The following WDFY2 variants were observed in gnomAD, a reference collection of about 807,000 sequenced individuals.
WDFY2 encodes the protein WD repeat and FYVE domain-containing protein 2.
Under a neutral mutation model 56.4 loss-of-function variants are expected in WDFY2, and 36 were observed. The observed-to-expected ratio is 0.64, with a 90% confidence interval of 0.49 to 0.84. The LOEUF (loss-of-function observed/expected upper bound fraction) is 0.84. Ranked by LOEUF, WDFY2 falls within the 40% of genes least tolerant of loss-of-function variation. WDFY2 has a pLI of 0.00. For synonymous variants in WDFY2, 176 were observed against 183.7 expected, an observed-to-expected ratio of 0.96 and a Z score of 0.34; for missense variants, 444 against 512.2, an observed-to-expected ratio of 0.87 and a Z score of 1.29.
In WDFY2 at chr13:51,704,663, TTC is replaced by T. The variant is rs1952048124; in HGVS notation, c.334+1017_334+1018del. On this transcript the variant is annotated intron_variant, in intron 4 of 11. Coordinates refer to ENST00000298125, the MANE Select transcript of WDFY2 (RefSeq NM_052950.4). Reference sequence around the variant, plus strand: ...TCAATCTTGAGTGTTCTGCTCTCACTTCTCTTTTCCAGCCTATATATTTTACA... The same window carrying T: ...TCAATCTTGAGTGTTCTGCTCTCACTTCTTTTCCAGCCTATATATTTTACA... Among the ~76,000 whole-genome samples, 5 of 152,374 alleles carry T rather than the reference TTC, an allele frequency of 3.3e-5. No individual in the cohort carries two copies. In the South Asian group the frequency reaches 1.0e-3, roughly 32 times the overall value.
intron 7 of WDFY2, among the ~76,000 whole-genome samples, chr13:51,750,584 CAATAGAG>C (rs1031246160): frequency 1.3e-5 from 2 of 151,768 alleles, no homozygotes; most frequent in Admixed American, 1.3e-4. Context: ...TTCTCTCACC[CAATAGAG>C]AATAGATCTC....
chr13:51,755,524 G>A, intron 9 of WDFY2, 65 bp downstream of exon 9: 1 of 1,521,130 alleles, frequency 6.6e-7, no homozygotes, highest in East Asian at 2.3e-5. Context: ...TGTGATCTTA[G>A]AAGAAATAAC....
At chr13:51,732,708 G>A (rs1454296875) in intron 6 of WDFY2, among the ~76,000 whole-genome samples, 2 of 152,182 alleles carry the variant, frequency 1.3e-5, no homozygotes, top group South Asian at 4.1e-4. Flanking sequence ...TTCAATTTTT[G>A]TTTACAGTGG....
chr13:51,717,999 A>G (rs1952396555), intron 4 of WDFY2, among the ~76,000 whole-genome samples: 1 of 152,222 alleles, frequency 6.6e-6, no homozygotes, highest in Non-Finnish European at 1.5e-5. Flanking sequence ...TTGCAGGGTC[A>G]TTACAATGAT....
At chr13:51,654,421 G>A (rs935983229) in intron 1 of WDFY2, among the ~76,000 whole-genome samples, 5 of 152,102 alleles carry the variant, frequency 3.3e-5, no homozygotes, top group African/African-American at 1.2e-4. Flanking sequence ...TGCACTCACT[G>A]TCCGACAATC....
intron 2 of WDFY2, among the ~76,000 whole-genome samples, chr13:51,667,526 T>A (rs1266028021): frequency 6.6e-6 from 1 of 152,206 alleles, no homozygotes; most frequent in East Asian, 1.9e-4. Flanking sequence ...TATTATAGAA[T>A]GATATTTCCA....
intron 3 of WDFY2, among the ~76,000 whole-genome samples, chr13:51,701,799 T>C (rs958966736): frequency 6.6e-6 from 1 of 152,078 alleles, no homozygotes; most frequent in African/African-American, 2.4e-5. Flanking sequence ...ATATGAACAA[T>C]ATGAACTCAG....
At chr13:51,727,994 A>AAACC (rs1302638866) in intron 6 of WDFY2, among the ~76,000 whole-genome samples, 9 of 152,226 alleles carry the variant, frequency 5.9e-5, no homozygotes, top group African/African-American at 1.9e-4. Flanking sequence ...AACAAAAGAG[A>AAACC]AACCAATCTA....
intron 1 of WDFY2, among the ~76,000 whole-genome samples, chr13:51,623,212 G>A (rs543514898): frequency 2.0e-5 from 3 of 148,632 alleles, no homozygotes; most frequent in Admixed American, 6.9e-5. Flanking sequence ...TTTTTAAAGC[G>A]TAATTTTTCT....
chr13:51,668,332 C>T (rs1325368506), intron 2 of WDFY2, among the ~76,000 whole-genome samples: 1 of 152,094 alleles, frequency 6.6e-6, no homozygotes, highest in Non-Finnish European at 1.5e-5. Context: ...GTAGTTAGAT[C>T]ACTTTAGTGT....
intron 1 of WDFY2, among the ~76,000 whole-genome samples, chr13:51,627,585 T>C (rs1954861015): frequency 6.6e-6 from 1 of 152,038 alleles, no homozygotes; most frequent in South Asian, 2.1e-4. Context: ...GGTTTCACCA[T>C]GTTGGCCAGG....
chr13:51,759,414 A>G (rs1192874655), intron 11 of WDFY2, among the ~76,000 whole-genome samples: 1 of 152,192 alleles, frequency 6.6e-6, no homozygotes, highest in Non-Finnish European at 1.5e-5. Flanking sequence ...AGATGTAAAC[A>G]CAGTGCTCTG....
chr13:51,643,665 A>C (rs1488418214), intron 1 of WDFY2, among the ~76,000 whole-genome samples: 1 of 152,090 alleles, frequency 6.6e-6, no homozygotes, highest in East Asian at 1.9e-4. Flanking sequence ...GGCTGATGCT[A>C]ATAACTAGGG....
chr13:51,729,724 G>A (rs1196393858), intron 6 of WDFY2, among the ~76,000 whole-genome samples: 1 of 152,016 alleles, frequency 6.6e-6, no homozygotes, highest in Non-Finnish European at 1.5e-5. Flanking sequence ...TTTGCCTCTG[G>A]TAGAAAAACA....
At chr13:51,637,313 T>G (rs1302018836) in intron 1 of WDFY2, among the ~76,000 whole-genome samples, 1 of 152,196 alleles carries the variant, frequency 6.6e-6, no homozygotes, top group African/African-American at 2.4e-5. Flanking sequence ...TTAAATTTCT[T>G]TGTGTTTTAA....
chr13:51,697,416 G>A (rs560649587), intron 3 of WDFY2, among the ~76,000 whole-genome samples: 4 of 152,152 alleles, frequency 2.6e-5, no homozygotes, highest in African/African-American at 9.6e-5. Flanking sequence ...GCAGATTGCT[G>A]GAGCTCAGGA....
In WDFY2 at chr13:51,695,055, A is replaced by G. The variant is rs377459694; in HGVS notation, c.280-8541A>G. On this transcript the variant is annotated intron_variant, in intron 3 of 11. Transcript: ENST00000298125. ...CATCAGCTCCTTTAAGCACTTCTCT[A>G]TATTGGTTATTCTAGTTATACATTC... Among the ~76,000 whole-genome samples, 462 of 151,900 alleles carry G rather than the reference A, an allele frequency of 3.0e-3. 2 individuals are homozygous for G. Among genetic ancestry groups the G allele is most frequent in the African/African-American group, 0.011 (439 of 41,432 alleles).
chr13:51,709,979 C>A lies in WDFY2; in HGVS notation c.334+6329C>A, dbSNP rs536228518. 5.5e-3 allele frequency among the ~76,000 whole-genome samples: 833 copies of A among 150,774 alleles called. 4 individuals carry two copies. Among genetic ancestry groups the A allele is most frequent in the African/African-American group, 0.019 (779 of 40,910 alleles). On this transcript the variant is annotated intron_variant, in intron 4 of 11. Coordinates refer to ENST00000298125, the MANE Select transcript of WDFY2 (RefSeq NM_052950.4). ...ATACCAAAGCCTGGCAGAGACACAA[C>A]AAAAAAAAAGAGAATTTTAGACCAA...
chr13:51,647,242 G>T (rs570073214), intron 1 of WDFY2, among the ~76,000 whole-genome samples: 1 of 152,198 alleles, frequency 6.6e-6, no homozygotes, highest in Non-Finnish European at 1.5e-5. Flanking sequence ...ATGTCATTAG[G>T]CAGTTTAGTC....
Sources: gnomAD v4.1 joint callset for allele counts (sites outside exome capture counted in the v4.1 genomes callset) on GRCh38, gnomAD v4.1.1 for gene constraint, MANE v1.5 for transcripts, NCBI Gene and HGNC (gene_info 2026-07-23, HGNC 2026-07-21) for gene names.